SCHIP1: variants seen among roughly 807,000 people sequenced by gnomAD.
SCHIP1 encodes the protein schwannomin interacting protein 1, also known as schwannomin-interacting protein 1.
A neutral mutation model predicts 29.7 loss-of-function variants in SCHIP1; 8 were observed. The observed-to-expected ratio is 0.27, with a 90% CI of 0.16 to 0.49. SCHIP1 has a LOEUF of 0.49. Ranked by LOEUF, SCHIP1 falls within the 20% of genes least tolerant of loss-of-function variation. SCHIP1 has a pLI of 0.99. For synonymous variants in SCHIP1, 76 were observed against 94.9 expected, an observed-to-expected ratio of 0.80 and a Z score of 1.16; for missense variants, 193 against 294.6, an observed-to-expected ratio of 0.66 and a Z score of 2.52.
the SCHIP1 span, among the ~76,000 whole-genome samples, chr3:159,683,210 C>T: frequency 6.6e-6 from 1 of 152,074 alleles, no homozygotes; most frequent in Non-Finnish European, 1.5e-5. Context: ...ACCACCAGGC[C>T]CGACTCATTT....
At chr3:159,704,872 CT>C in the SCHIP1 span, among the ~76,000 whole-genome samples, 1 of 46,094 alleles carries the variant, frequency 2.2e-5, no homozygotes, top group South Asian at 6.0e-4. Flanking sequence ...TTTTTTCTTT[CT>C]TTCTTTCTTT....
At chr3:159,754,958 G>A in the SCHIP1 span, among the ~76,000 whole-genome samples, 9 of 152,288 alleles carry the variant, frequency 5.9e-5, no homozygotes, top group South Asian at 4.1e-4. Context: ...GAGGCTGGCC[G>A]GGTGCGGTGG....
chr3:159,747,096 A>G, the SCHIP1 span, among the ~76,000 whole-genome samples: 1 of 152,106 alleles, frequency 6.6e-6, no homozygotes, highest in Non-Finnish European at 1.5e-5. Flanking sequence ...CAGATATCCA[A>G]CCCAGTACCT....
chr3:159,416,320 T>C, the SCHIP1 span, among the ~76,000 whole-genome samples: 1 of 152,218 alleles, frequency 6.6e-6, no homozygotes, highest in East Asian at 1.9e-4. Context: ...ACCATCTACC[T>C]TACTAATTTT....
At chr3:159,764,539 C>A in the SCHIP1 span, 1 of 1,591,700 alleles carries the variant, frequency 6.3e-7, no homozygotes, top group Non-Finnish European at 8.5e-7. The surrounding 1 kb of genome is among the most constrained non-coding windows in gnomAD (Gnocchi z 6.1). Context: ...CAAAGTGACC[C>A]CTTGCTCCGA....
At chr3:159,846,576 C>A (rs1711868941) in intron 1 of SCHIP1, among the ~76,000 whole-genome samples, 1 of 152,152 alleles carries the variant, frequency 6.6e-6, no homozygotes, top group African/African-American at 2.4e-5. Flanking sequence ...AGCCTGGTTT[C>A]TTCCACAGCA....
chr3:159,461,130 A>G, the SCHIP1 span, among the ~76,000 whole-genome samples: 2 of 152,138 alleles, frequency 1.3e-5, no homozygotes, highest in Non-Finnish European at 1.5e-5. Flanking sequence ...GCACATCACA[A>G]TGCCCCCAAA....
chr3:159,344,102 G>T, the SCHIP1 span, among the ~76,000 whole-genome samples: 1 of 152,114 alleles, frequency 6.6e-6, no homozygotes, highest in South Asian at 2.1e-4. Context: ...GGAGGCTGGG[G>T]CGGGCAGATC....
the SCHIP1 span, among the ~76,000 whole-genome samples, chr3:159,785,797 A>G: frequency 5.6e-4 from 86 of 152,292 alleles, no homozygotes; most frequent in African/African-American, 2.0e-3. Context: ...CAGGGTACCC[A>G]CTGAATGCTG....
the SCHIP1 span, among the ~76,000 whole-genome samples, chr3:159,624,898 TG>T: frequency 6.6e-6 from 1 of 152,170 alleles, no homozygotes. Flanking sequence ...TAGCTTCCCT[TG>T]TGTGCAAGGT....
the SCHIP1 span, among the ~76,000 whole-genome samples, chr3:159,301,656 T>C: frequency 8.6e-3 from 1,312 of 152,274 alleles, 15 homozygotes; most frequent in African/African-American, 0.031. Flanking sequence ...TCATGAGATC[T>C]GATGGTTTAA....
chr3:159,489,513 A>C, the SCHIP1 span, among the ~76,000 whole-genome samples: 1 of 152,336 alleles, frequency 6.6e-6, no homozygotes, highest in South Asian at 2.1e-4. Flanking sequence ...AGTGTAAATA[A>C]CTGATAAAAC....
chr3:159,801,916 A>C, the SCHIP1 span, among the ~76,000 whole-genome samples: 2 of 152,162 alleles, frequency 1.3e-5, no homozygotes, highest in African/African-American at 4.8e-5. Context: ...ATGTGTTTAC[A>C]GTTGTTATTG....
the SCHIP1 span, among the ~76,000 whole-genome samples, chr3:159,762,165 C>G: frequency 1.3e-5 from 2 of 152,144 alleles, no homozygotes; most frequent in Non-Finnish European, 2.9e-5. Context: ...AAAATCAAAC[C>G]GTATTTGGAG....
At chr3:159,506,780 C>A in the SCHIP1 span, among the ~76,000 whole-genome samples, 1 of 151,946 alleles carries the variant, frequency 6.6e-6, no homozygotes, top group Non-Finnish European at 1.5e-5. Flanking sequence ...TAGTTGTAGA[C>A]GTGTGGTATT....
the SCHIP1 span, among the ~76,000 whole-genome samples, chr3:159,593,832 GTTTAAT>G: frequency 6.6e-6 from 1 of 152,222 alleles, no homozygotes; most frequent in Non-Finnish European, 1.5e-5. Context: ...TGCAAATGCT[GTTTAAT>G]TCTTTCTAAA....
At chr3:159,775,436 C>T in the SCHIP1 span, among the ~76,000 whole-genome samples, 57 of 152,298 alleles carry the variant, frequency 3.7e-4, no homozygotes, top group African/African-American at 1.1e-3. Flanking sequence ...CCTGGGCATA[C>T]CCCAGCTGAT....
the SCHIP1 span, among the ~76,000 whole-genome samples, chr3:159,781,088 T>G: frequency 6.6e-6 from 1 of 152,256 alleles, no homozygotes; most frequent in African/African-American, 2.4e-5. Context: ...ATTCCTTATC[T>G]TATAGAAACT....
chr3:159,541,971 A>G, the SCHIP1 span, among the ~76,000 whole-genome samples: 2 of 152,082 alleles, frequency 1.3e-5, no homozygotes, highest in Non-Finnish European at 2.9e-5. Flanking sequence ...TGAAGTTCAG[A>G]TCTCTATGAT....
Sources: allele counts gnomAD v4.1 joint callset (sites outside exome capture counted in the v4.1 genomes callset), GRCh38; gene constraint gnomAD v4.1.1; non-coding constraint Gnocchi (gnomAD v3.1); transcripts MANE v1.5; gene names NCBI Gene and HGNC (gene_info 2026-07-23, HGNC 2026-07-21).